Variants in ABCC3 observed in about 807,000 individuals in gnomAD.
The protein encoded by ABCC3 is ATP binding cassette subfamily C member 3.
In ABCC3, 121 loss-of-function variants were observed where a neutral mutation model predicts 165.3. The observed-to-expected ratio is 0.73, with a 90% CI of 0.63 to 0.85. ABCC3 has a LOEUF of 0.85. ABCC3 is among the 40% of genes least tolerant of loss of function. The probability of loss-of-function intolerance (pLI) is 0.00; values close to 1 mark genes in which losing one functional copy is unlikely to be tolerated. For missense variants in ABCC3, 1,869 were observed against 1,964.1 expected (o/e 0.95, Z 0.92); for synonymous variants, 733 against 810.1 (o/e 0.90, Z 1.62).
chr17:50,661,230 C>G lies in ABCC3; in HGVS notation c.998+116C>G, dbSNP rs1967378251. 3 of 1,109,448 alleles carry G rather than the reference C, an allele frequency of 2.7e-6. No individual in the cohort carries two copies. The East Asian group carries it at 7.8e-5, about 29-fold the overall frequency. The allele number at this position is 1,109,448 out of a possible 1,614,324, so 68.7% of individuals were successfully genotyped here. ...AACCCCAGACCAGGAACCAGGGAGG[C>G]TAGCTCCACTTTCTGTGTGACCTTT... On this transcript the variant is annotated intron_variant, in intron 8 of 30. Coordinates refer to ENST00000285238, the MANE Select transcript of ABCC3 (RefSeq NM_003786.4).
chr17:50,673,931 T>C (rs1329334459), intron 19 of ABCC3, among the ~76,000 whole-genome samples: 1 of 15,216 alleles, frequency 6.6e-5, no homozygotes, highest in Non-Finnish European at 1.2e-4. Flanking sequence ...TTTCTTTCTT[T>C]CTTTCTTTCT....
intron 19 of ABCC3, among the ~76,000 whole-genome samples, chr17:50,675,116 C>G (rs1441846635): frequency 6.6e-6 from 1 of 152,158 alleles, no homozygotes; most frequent in Non-Finnish European, 1.5e-5. Context: ...GAGTTTTAAG[C>G]TCAGCCAGTC....
intron 16 of ABCC3, 29 bp from the exon 17 acceptor site, chr17:50,669,323 G>A (rs765169247): frequency 6.2e-7 from 1 of 1,614,190 alleles, no homozygotes; most frequent in Non-Finnish European, 8.5e-7. Context: ...CCTTGGGCAA[G>A]CCCCGAGGTA....
At chr17:50,673,261 G>A in intron 18 of ABCC3, 123 bp downstream of exon 18, 4 of 1,344,776 alleles carry the variant, frequency 3.0e-6, no homozygotes, top group Non-Finnish European at 4.1e-6. Context: ...GTGGGCATGT[G>A]GGTTGGGCAT....
At chr17:50,666,269 C>T (rs908926782) in intron 11 of ABCC3, among the ~76,000 whole-genome samples, 3 of 151,982 alleles carry the variant, frequency 2.0e-5, no homozygotes, top group Non-Finnish European at 2.9e-5. Context: ...GTTGGGAGAT[C>T]GAGACCAGCC....
intron 26 of ABCC3, 119 bp downstream of exon 26, chr17:50,680,018 C>T: frequency 1.4e-6 from 1 of 695,554 alleles, no homozygotes; most frequent in South Asian, 1.7e-5. Flanking sequence ...CATTCATTTA[C>T]CCATTCACTC....
intron 29 of ABCC3, among the ~76,000 whole-genome samples, chr17:50,686,605 C>T (rs1165660902): frequency 6.6e-6 from 1 of 152,104 alleles, no homozygotes; most frequent in Non-Finnish European, 1.5e-5. Flanking sequence ...TTCTTCTCAC[C>T]TGCTTGCTCT....
chr17:50,646,111 G>C (rs140750197), intron 1 of ABCC3, among the ~76,000 whole-genome samples: 1 of 152,200 alleles, frequency 6.6e-6, no homozygotes, highest in African/African-American at 2.4e-5. Context: ...AAGAAAAAGC[G>C]GAGAAGGGTG....
In ABCC3 at chr17:50,669,535, A is replaced by G; in HGVS notation, c.2241+7A>G. 1 of 1,613,454 alleles carries G rather than the reference A, an allele frequency of 6.2e-7. No individual in the cohort carries two copies. Among genetic ancestry groups the G allele is most frequent in the Non-Finnish European group, 8.5e-7 (1 of 1,179,450 alleles). ...GACAGAGATTGGAGAGAAGGTACAG[A>G]GTCCTCTTCCATCCCTAAGAGGCTA... On this transcript the variant is annotated splice_region_variant and intron_variant, in intron 17 of 30. Coordinates refer to ENST00000285238, the MANE Select transcript of ABCC3 (RefSeq NM_003786.4).
chr17:50,655,372 C>T (rs1393608120), intron 1 of ABCC3, among the ~76,000 whole-genome samples: 37 of 136,138 alleles, frequency 2.7e-4, no homozygotes, highest in African/African-American at 1.0e-3. Context: ...CAACACTGCA[C>T]TCCAGCCTGG....
At chr17:50,652,487 A>G (rs995665524) in intron 1 of ABCC3, among the ~76,000 whole-genome samples, 2 of 152,252 alleles carry the variant, frequency 1.3e-5, no homozygotes, top group Non-Finnish European at 2.9e-5. Flanking sequence ...CTGTGTATCA[A>G]TTAAAGAATG....
intron 10 of ABCC3, 99 bp from the exon 11 acceptor site, chr17:50,665,054 A>G (rs1967489739): frequency 1.0e-6 from 1 of 1,004,070 alleles, no homozygotes; most frequent in South Asian, 1.3e-5. Context: ...GCCCATCTAC[A>G]CATTTCAAGT....
intron 1 of ABCC3, among the ~76,000 whole-genome samples, chr17:50,638,065 A>G (rs1206594894): frequency 6.6e-6 from 1 of 152,236 alleles, no homozygotes; most frequent in Non-Finnish European, 1.5e-5. Flanking sequence ...GAAGCAGGTT[A>G]CCAACTTCCC....
At position 50,653,327 on chromosome 17, in the gene ABCC3, C is replaced by T. The variant is rs527740078; in HGVS notation, c.46-2505C>T. ...CGCCATTACACTCCAGCGTGGGGGCCAAGAGCGAGACTGTCTCAAAAAAAA... is the reference window on the plus strand; with the variant it reads ...CGCCATTACACTCCAGCGTGGGGGCTAAGAGCGAGACTGTCTCAAAAAAAA... On this transcript the variant is annotated intron_variant, in intron 1 of 30. Coordinates refer to ENST00000285238, the MANE Select transcript of ABCC3 (RefSeq NM_003786.4). Among the ~76,000 whole-genome samples the T allele has an allele frequency of 3.8e-5, 4 of 105,308 alleles. No homozygotes were observed. The East Asian group carries it at 1.1e-3, about 28-fold the overall frequency. The allele number at this position is 105,308 out of a possible 152,430, so 69.1% of individuals were successfully genotyped here. A position where few individuals can be genotyped will look rare whatever the true frequency, so the allele number is the denominator to read the frequency against.
rs760302779 is a variant in ABCC3, at chr17:50,661,117, C to G, written c.998+3C>G. On this transcript the variant is annotated splice_donor_region_variant and intron_variant, in intron 8 of 30. Transcript: ENST00000285238. ...TTCATCAATCCACAGCTGCTCAGGT[C>G]TCTCCACACTCCGGCTCACTATAGC... is the stretch of plus-strand genomic sequence containing the variant. 6.2e-7 allele frequency: 1 copy of G among 1,609,416 alleles called. No homozygotes were observed. The highest frequency in any genetic ancestry group is 1.1e-5 in the South Asian group (1 of 90,630).
chr17:50,665,914 T>C (rs16949202), intron 11 of ABCC3, among the ~76,000 whole-genome samples: 17,360 of 151,768 alleles, frequency 0.11, 1,135 homozygotes, highest in Non-Finnish European at 0.14. Context: ...ACCTGGCCTA[T>C]TGAAGTCTAC....
At chr17:50,635,510 T>G in intron 1 of ABCC3, 1 of 702,588 alleles carries the variant, frequency 1.4e-6, no homozygotes, top group Non-Finnish European at 2.6e-6. Flanking sequence ...TCCTGCCACC[T>G]TCTTTTCTCT....
chr17:50,642,953 T>C (rs1966919336), intron 1 of ABCC3, among the ~76,000 whole-genome samples: 1 of 152,230 alleles, frequency 6.6e-6, no homozygotes, highest in South Asian at 2.1e-4. Context: ...TAGTTTCTCT[T>C]TTGTACACTG....
At position 50,672,996 on chromosome 17, in the gene ABCC3, G is replaced by A. The variant is rs373490478; in HGVS notation, c.2267G>A (p.Arg756Gln). Residue 756 changes from arginine to glutamine, a missense_variant, in exon 18 of 31, where the codon CGG becomes CAG. By Grantham distance (43) the Arg-to-Gln change is conservative (BLOSUM62 1). Coordinates refer to ENST00000285238, the MANE Select transcript of ABCC3 (RefSeq NM_003786.4). ...EKGINLSGGQ[R>Q]QRVSLARAVY... ...GGCATTAACCTGTCTGGGGGCCAGC[G>A]GCAGCGGGTCAGTCTGGCTCGAGCT... 19 of 1,613,798 alleles carry A rather than the reference G, an allele frequency of 1.2e-5. No individual in the cohort carries two copies. The highest frequency in any genetic ancestry group is 2.2e-5 in the South Asian group (2 of 91,042).
Sources: gnomAD v4.1 joint callset for allele counts (sites outside exome capture counted in the v4.1 genomes callset) on GRCh38, gnomAD v4.1.1 for gene constraint, MANE v1.5 for transcripts, NCBI Gene and HGNC (gene_info 2026-07-23, HGNC 2026-07-21) for gene names.